The following NCS1 variants were observed in gnomAD, a reference collection of about 807,000 sequenced individuals.
NCS1 encodes the protein frequenin homolog.
Under a neutral mutation model 28.4 loss-of-function variants are expected in NCS1, and 6 were observed. The ratio of observed to expected loss-of-function variants is 0.21; its 90% CI spans 0.12 to 0.42. The LOEUF (loss-of-function observed/expected upper bound fraction) is 0.42, where lower values mean the gene tolerates loss of function less well. NCS1 is among the 10% of genes least tolerant of loss of function. The probability of loss-of-function intolerance (pLI) is 1.00; values close to 1 mark genes in which losing one functional copy is unlikely to be tolerated. For synonymous variants in NCS1, 86 were observed against 99.3 expected (o/e 0.87, Z 0.79); for missense variants, 131 against 241.4 (o/e 0.54, Z 3.03).
chr9:130,205,396 A>C (rs1305595031), intron 2 of NCS1, among the ~76,000 whole-genome samples: 1 of 152,072 alleles, frequency 6.6e-6, no homozygotes, highest in Non-Finnish European at 1.5e-5. Flanking sequence ...TAAAGAAAAA[A>C]GCAACCTGCT....
intron 7 of NCS1, among the ~76,000 whole-genome samples, chr9:130,227,375 C>T (rs781935219): frequency 5.3e-5 from 8 of 152,228 alleles, no homozygotes; most frequent in African/African-American, 1.4e-4. Context: ...TTCTTGTCCA[C>T]GTCCTGGTGA....
chr9:130,221,403 TATATATATATAG>T (rs1220224146), intron 4 of NCS1, among the ~76,000 whole-genome samples: 1,043 of 42,056 alleles, frequency 0.025, 3 homozygotes, highest in East Asian at 0.054. Context: ...TATATATATA[TATATATATATAG>T]AGAGAGAGAG....
Position 130,175,523 on chromosome 9 carries a change from T to C in NCS1, c.64+2796T>C, listed in dbSNP as rs1832552369. ...AGATGGTGGTCCTGGGGAGCCCGGA[T>C]TGAAGACCACAGTTCCAGTGTATGC... On this transcript the variant is annotated intron_variant, in intron 1 of 7. Transcript: ENST00000372398. This position sits in a 1 kb window ranked among gnomAD's most constrained non-coding sequence, Gnocchi z 4.9. Among the ~76,000 whole-genome samples the C allele has an allele frequency of 6.6e-6, 1 of 152,156 alleles. No homozygotes were observed. Among genetic ancestry groups the C allele is most frequent in the Non-Finnish European group, 1.5e-5 (1 of 68,014 alleles).
chr9:130,182,049 T>C (rs1193224500), intron 1 of NCS1, among the ~76,000 whole-genome samples: 1 of 151,776 alleles, frequency 6.6e-6, no homozygotes, highest in Non-Finnish European at 1.5e-5. Context: ...TAGGGGAGTA[T>C]TGTGGTTGGG....
Position 130,190,057 on chromosome 9 carries a change from A to AGT in NCS1, c.65-10900_65-10899insTG, listed in dbSNP as rs1276580865. Among the ~76,000 whole-genome samples the AGT allele has an allele frequency of 8.9e-4, 134 of 150,278 alleles. 1 individual carries two copies. Among genetic ancestry groups the AGT allele is most frequent in the African/African-American group, 2.7e-3 (110 of 40,714 alleles). ...AAGAGAGAGAGAGAGAGAGAGAGAG[A>AGT]GAGAGAGAATATATGTGGTCATTGG... On this transcript the variant is annotated intron_variant, in intron 1 of 7. Transcript: ENST00000372398.
chr9:130,189,858 C>CAAAAAAA (rs869189538), intron 1 of NCS1, among the ~76,000 whole-genome samples: 13 of 43,108 alleles, frequency 3.0e-4, no homozygotes, highest in African/African-American at 5.1e-4. Flanking sequence ...GACTCCATCT[C>CAAAAAAA]AAAAAAAAAA....
intron 2 of NCS1, among the ~76,000 whole-genome samples, chr9:130,214,202 G>A (rs1833153186): frequency 6.6e-6 from 1 of 152,238 alleles, no homozygotes. Flanking sequence ...AAGTGGGCAG[G>A]GGCACAGAGG....
rs1315083702 is a variant in NCS1, at chr9:130,181,920, TGCCTG to T, written c.64+9195_64+9199del. On this transcript the variant is annotated intron_variant, in intron 1 of 7. Transcript: ENST00000372398. The surrounding 1 kb of genome is among the most constrained non-coding windows in gnomAD (Gnocchi z 5.0). ...TCTGTACAGGTTGTAAATGTAGGTGTGCCTGGGGGTGGGGGACGCTGGGGAGGGAG... is the reference window on the plus strand; with the variant it reads ...TCTGTACAGGTTGTAAATGTAGGTGTGGGGTGGGGGACGCTGGGGAGGGAG... Among the ~76,000 whole-genome samples the T allele has an allele frequency of 1.4e-5, 2 of 145,366 alleles. No individual in the cohort carries two copies. The highest frequency in any genetic ancestry group is 5.1e-5 in the African/African-American group (2 of 39,544).
rs114417698 is a variant in NCS1, at chr9:130,216,418, T to C, written c.90-1414T>C. On this transcript the variant is annotated intron_variant, in intron 2 of 7. Coordinates refer to ENST00000372398, the MANE Select transcript of NCS1 (RefSeq NM_014286.4). Reference sequence around the variant, plus strand: ...CTCTCTGAGCCTGTTTCTTCATCTGTAAAATGGGCTTCCTCGGCCGGGCAC... The same window carrying C: ...CTCTCTGAGCCTGTTTCTTCATCTGCAAAATGGGCTTCCTCGGCCGGGCAC... 4.9e-3 allele frequency among the ~76,000 whole-genome samples: 748 copies of C among 152,192 alleles called. 9 individuals carry two copies. The highest frequency in any genetic ancestry group is 0.04 in the South Asian group (192 of 4,816).
chr9:130,217,713 G>T, intron 2 of NCS1, 119 bp from the exon 3 acceptor site: 1 of 1,449,900 alleles, frequency 6.9e-7, no homozygotes, highest in East Asian at 2.3e-5. Context: ...GCCCCATGGG[G>T]CACCATCTCT....
At chr9:130,205,402 C>G (rs972480767) in intron 2 of NCS1, among the ~76,000 whole-genome samples, 1 of 152,008 alleles carries the variant, frequency 6.6e-6, no homozygotes, top group Non-Finnish European at 1.5e-5. Context: ...AAAAAGCAAC[C>G]TGCTTTAGGG....
intron 1 of NCS1, among the ~76,000 whole-genome samples, chr9:130,189,461 C>T (rs542278116): frequency 9.2e-5 from 14 of 152,224 alleles, no homozygotes; most frequent in Non-Finnish European, 1.8e-4. Flanking sequence ...GGGACTGATC[C>T]GGATCCCTGA....
Position 130,224,507 on chromosome 9 carries a change from G to A in NCS1, c.474+1348G>A, listed in dbSNP as rs368634335. Among the ~76,000 whole-genome samples the A allele has an allele frequency of 1.1e-4, 17 of 150,230 alleles. No individual in the cohort carries two copies. The East Asian group carries it at 1.2e-3, about 11-fold the overall frequency. Reference sequence around the variant, plus strand: ...TGGGAGGCAGAGGTTGCAGTGAGCCGAGATCACACCACTGCACTCCAGCCT... The same window carrying A: ...TGGGAGGCAGAGGTTGCAGTGAGCCAAGATCACACCACTGCACTCCAGCCT... On this transcript the variant is annotated intron_variant, in intron 6 of 7. Transcript: ENST00000372398.
chr9:130,207,366 G>A (rs1303018069), intron 2 of NCS1, among the ~76,000 whole-genome samples: 1 of 152,204 alleles, frequency 6.6e-6, no homozygotes, highest in Non-Finnish European at 1.5e-5. Flanking sequence ...CCGTGCACTG[G>A]CCACACTTGC....
At chr9:130,179,877 T>G (rs1285126531) in intron 1 of NCS1, among the ~76,000 whole-genome samples, 1 of 152,162 alleles carries the variant, frequency 6.6e-6, no homozygotes, top group African/African-American at 2.4e-5. Context: ...TGAAGCATCT[T>G]CCCCAAGGTC....
intron 1 of NCS1, among the ~76,000 whole-genome samples, chr9:130,182,132 C>G (rs1479221976): frequency 6.6e-6 from 1 of 152,086 alleles, no homozygotes; most frequent in Non-Finnish European, 1.5e-5. Flanking sequence ...GTGCTGCCCT[C>G]TCCCCAAAGC....
intron 6 of NCS1, among the ~76,000 whole-genome samples, chr9:130,225,141 G>A (rs782165533): frequency 1.3e-5 from 2 of 152,212 alleles, no homozygotes; most frequent in Non-Finnish European, 2.9e-5. Context: ...GCTGTGAGCC[G>A]TGATGGTGCC....
intron 7 of NCS1, among the ~76,000 whole-genome samples, chr9:130,231,123 T>TC (rs1197768617): frequency 1.3e-5 from 2 of 152,076 alleles, no homozygotes; most frequent in East Asian, 3.9e-4. Flanking sequence ...GGTCGAGCTG[T>TC]GTGGATCACT....
At position 130,232,701 on chromosome 9, in the gene NCS1, G is replaced by T. The variant is rs1486396468; in HGVS notation, c.*18-289G>T. Among the ~76,000 whole-genome samples, 2 of 152,124 alleles carry T rather than the reference G, an allele frequency of 1.3e-5. No individual in the cohort carries two copies. Among genetic ancestry groups the T allele is most frequent in the Admixed American group, 6.5e-5 (1 of 15,268 alleles). On this transcript the variant is annotated intron_variant, in intron 7 of 7. Transcript: ENST00000372398. This position sits in a 1 kb window ranked among gnomAD's most constrained non-coding sequence, Gnocchi z 4.4. Reference sequence around the variant, plus strand: ...CTTGGGAGGCTGAGGCAGGAGAATCGCTTGAACCCAAGAGGTGGAGGTTGC... The same window carrying T: ...CTTGGGAGGCTGAGGCAGGAGAATCTCTTGAACCCAAGAGGTGGAGGTTGC...
Sources: allele counts gnomAD v4.1 joint callset (sites outside exome capture counted in the v4.1 genomes callset), GRCh38; gene constraint gnomAD v4.1.1; non-coding constraint Gnocchi (gnomAD v3.1); transcripts MANE v1.5; gene names NCBI Gene and HGNC (gene_info 2026-07-23, HGNC 2026-07-21).